The following PEX5 variants were observed in gnomAD, a reference collection of about 807,000 sequenced individuals.
The protein encoded by PEX5 is peroxisomal biogenesis factor 5, also known as PTS1 receptor.
A neutral mutation model predicts 82.9 loss-of-function variants in PEX5; 52 were observed. The observed-to-expected ratio is 0.63, with a 90% CI of 0.50 to 0.79. The LOEUF (loss-of-function observed/expected upper bound fraction) is 0.79. Ranked by LOEUF, PEX5 falls within the 30% of genes least tolerant of loss-of-function variation. PEX5 has a pLI of 0.00. For synonymous variants in PEX5, 300 were observed against 318.8 expected (o/e 0.94, Z 0.63); for missense variants, 719 against 815.2 (o/e 0.88, Z 1.44).
intron 12 of PEX5, 51 bp downstream of exon 12, chr12:7,208,131 A>AAAG: frequency 7.4e-7 from 1 of 1,356,540 alleles, no homozygotes; most frequent in Non-Finnish European, 1.1e-6. Flanking sequence ...TCTGCATATA[A>AAAG]CCTTTTGAAT....
chr12:7,210,326 C>A lies in PEX5; in HGVS notation c.*103C>A. ...CCTACCAAGGGGGCGGGCTGATGAC[C>A]ATAAGCGGTACGGCCTTTCAGGAGC... On this transcript the variant is annotated 3_prime_UTR_variant, in exon 16 of 16. Coordinates refer to ENST00000675855, the MANE Select transcript of PEX5 (RefSeq NM_001351132.2). 1 of 1,087,006 alleles carries A rather than the reference C, an allele frequency of 9.2e-7. No homozygotes were observed. The highest frequency in any genetic ancestry group is 1.4e-6 in the Non-Finnish European group (1 of 714,164). 67.3% of individuals were successfully genotyped at this position (1,087,006 alleles called of 1,614,324 possible).
Position 7,209,007 on chromosome 12 carries a change from C to T in PEX5, c.1397C>T (p.Ser466Phe), listed in dbSNP as rs760926568. The change falls in exon 14 of 16, where the codon TCC (serine) becomes TTC (phenylalanine). Residue 466 changes from serine (S) to phenylalanine (F), a missense_variant and splice_region_variant. Ser to Phe is a radical substitution (Grantham distance 155). Transcript: ENST00000675855. ...GTGTTTTTTTCCTTTTCATCCAGCTCCCTGTTTCTTGAAGTGAAAGAGCTC... is the reference window on the plus strand; with the variant it reads ...GTGTTTTTTTCCTTTTCATCCAGCTTCCTGTTTCTTGAAGTGAAAGAGCTC... Reference protein sequence around the residue: ...KRILGSLLSDSLFLEVKELFL... With the variant: ...KRILGSLLSDFLFLEVKELFL... The T allele has an allele frequency of 6.2e-7, 1 of 1,613,838 alleles. No homozygotes were observed. The highest frequency in any genetic ancestry group is 1.3e-5 in the African/African-American group (1 of 74,848).
At chr12:7,206,795 C>T (rs917356574) in intron 10 of PEX5, among the ~76,000 whole-genome samples, 1 of 152,130 alleles carries the variant, frequency 6.6e-6, no homozygotes, top group Non-Finnish European at 1.5e-5. Flanking sequence ...AGAAAGACCT[C>T]CACCTGTTGT....
intron 2 of PEX5, 156 bp downstream of exon 2, chr12:7,190,680 C>A: frequency 2.0e-6 from 3 of 1,464,916 alleles, no homozygotes; most frequent in African/African-American, 1.4e-5. Context: ...GTTTGCACAT[C>A]TTGGTATAAC....
chr12:7,210,355 C>CTTTCAGGCCTT lies in PEX5; in HGVS notation c.*133_*134insTTCAGGCCTTT, dbSNP rs1320713672. The CTTTCAGGCCTT allele has an allele frequency of 5.0e-6, 4 of 800,034 alleles. No homozygotes were observed. Among genetic ancestry groups the CTTTCAGGCCTT allele is most frequent in the Non-Finnish European group, 6.4e-6 (3 of 466,676 alleles). 49.6% of individuals were successfully genotyped at this position (800,034 alleles called of 1,614,324 possible). A position where few individuals can be genotyped will look rare whatever the true frequency, so the allele number is the denominator to read the frequency against. ...AGCGGTACGGCCTTTCAGGAGCTGC[C>CTTTCAGGCCTT]TCAACGTAGGGGTGGGTAGTCTGTG... is the stretch of plus-strand genomic sequence containing the variant. On this transcript the variant is annotated 3_prime_UTR_variant, in exon 16 of 16. Coordinates refer to ENST00000675855, the MANE Select transcript of PEX5 (RefSeq NM_001351132.2).
intron 6 of PEX5, among the ~76,000 whole-genome samples, chr12:7,199,473 T>C (rs1224931658): frequency 6.6e-6 from 1 of 150,814 alleles, no homozygotes; most frequent in Non-Finnish European, 1.5e-5. Context: ...TTAATCCATT[T>C]AACCCTGAGT....
In PEX5 at chr12:7,209,233, T is replaced by C. The variant is rs112650810; in HGVS notation, c.1560+63T>C. On this transcript the variant is annotated intron_variant, in intron 14 of 15. Coordinates refer to ENST00000675855, the MANE Select transcript of PEX5 (RefSeq NM_001351132.2). ...TGTACCTTATTGAAGAGCCATTTGT[T>C]GGGAAGCTGGGTTTGATGGTGCATG... The C allele has an allele frequency of 3.3e-3, 5,030 of 1,546,606 alleles. 145 individuals carry two copies. The African/African-American group carries it at 0.059, about 18-fold the overall frequency.
chr12:7,197,576 CTTA>C (rs1247298680), intron 5 of PEX5, among the ~76,000 whole-genome samples: 65 of 135,606 alleles, frequency 4.8e-4, no homozygotes, highest in African/African-American at 1.5e-3. Flanking sequence ...GTAGTAATTA[CTTA>C]TTATTTATAA....
chr12:7,189,783 G>T, intron 1 of PEX5, 33 bp downstream of exon 1: 1 of 153,740 alleles, frequency 6.5e-6, no homozygotes, highest in Non-Finnish European at 1.2e-5. Flanking sequence ...GCCCGGGGCC[G>T]CGTCCCTGGG....
In PEX5 at chr12:7,201,135, G is replaced by GCACACA. The variant is rs113517645; in HGVS notation, c.552-608_552-603dup. 5.5e-3 allele frequency among the ~76,000 whole-genome samples: 670 copies of GCACACA among 121,764 alleles called. 4 individuals are homozygous for GCACACA. The highest frequency in any genetic ancestry group is 0.043 in the South Asian group (162 of 3,758). 79.9% of individuals were successfully genotyped at this position (121,764 alleles called of 152,430 possible). ...ACCAAAAGCGCATGCATGTGTGCGTGCACACACACACACGCACACACATAT... is the reference window on the plus strand; with the variant it reads ...ACCAAAAGCGCATGCATGTGTGCGTGCACACACACACACACACACGCACACACATAT... On this transcript the variant is annotated intron_variant, in intron 6 of 15. Coordinates refer to ENST00000675855, the MANE Select transcript of PEX5 (RefSeq NM_001351132.2).
chr12:7,210,751 G>T lies in PEX5; in HGVS notation c.*528G>T. On this transcript the variant is annotated 3_prime_UTR_variant, in exon 16 of 16. Coordinates refer to ENST00000675855, the MANE Select transcript of PEX5 (RefSeq NM_001351132.2). ...GGCTGAGCAGAGCTGAGTTTTGGTA[G>T]GAGTGCTCATGGTTCTGTCATTCTT... The T allele has an allele frequency of 4.3e-6, 1 of 232,690 alleles. No homozygotes were observed. The highest frequency in any genetic ancestry group is 6.4e-5 in the South Asian group (1 of 15,640). 14.4% of individuals were successfully genotyped at this position (232,690 alleles called of 1,614,324 possible). A position where few individuals can be genotyped will look rare whatever the true frequency, so the allele number is the denominator to read the frequency against.
In PEX5 at chr12:7,197,206, CAT is replaced by C. The variant is rs1409411604; in HGVS notation, c.449-1799_449-1798del. On this transcript the variant is annotated intron_variant, in intron 5 of 15. Transcript: ENST00000675855. ...TCATATATAATGTAATTATATATGT[CAT>C]ATATAATGTAATTATATATGTCATA... Among the ~76,000 whole-genome samples, 3 of 94,590 alleles carry C rather than the reference CAT, an allele frequency of 3.2e-5. 1 individual carries two copies. Among genetic ancestry groups the C allele is most frequent in the African/African-American group, 1.2e-4 (3 of 24,328 alleles). The allele number at this position is 94,590 out of a possible 152,430, so 62.1% of individuals were successfully genotyped here.
intron 5 of PEX5, among the ~76,000 whole-genome samples, chr12:7,194,691 C>A (rs1941780122): frequency 6.6e-6 from 1 of 152,156 alleles, no homozygotes; most frequent in South Asian, 2.1e-4. Flanking sequence ...CTTCAGGGTT[C>A]TTAAATTTAG....
chr12:7,202,104 T>G, intron 7 of PEX5, 137 bp from the exon 8 acceptor site: 3 of 1,362,302 alleles, frequency 2.2e-6, no homozygotes, highest in South Asian at 1.2e-5. Context: ...TCTACCTCTT[T>G]TAGGGTCTTT....
chr12:7,197,884 C>T (rs1565690919), intron 5 of PEX5, among the ~76,000 whole-genome samples: 2 of 152,298 alleles, frequency 1.3e-5, no homozygotes, highest in South Asian at 2.1e-4. Context: ...CCCTTGGGAA[C>T]TGTCCTTGTC....
At chr12:7,196,222 TC>T in intron 5 of PEX5, among the ~76,000 whole-genome samples, 2 of 40,364 alleles carry the variant, frequency 5.0e-5, no homozygotes, top group Non-Finnish European at 1.5e-4. Flanking sequence ...ATTATATATG[TC>T]ATATATAATT....
rs763309168 is a variant in PEX5 at position 7,199,067 on chromosome 12, GAGA to G, written c.508_510del (p.Lys170del). On this transcript the variant is annotated inframe_deletion, in exon 6 of 16. Coordinates refer to ENST00000675855, the MANE Select transcript of PEX5 (RefSeq NM_001351132.2). ...TGAGGAATATTTGGAGCAATCAGAG[GAGA>G]AGCTGTGGCTGGGAGAACCTGAGGG... 8.7e-6 allele frequency: 14 copies of G among 1,610,474 alleles called. No individual in the cohort carries two copies. Among genetic ancestry groups the G allele is most frequent in the Non-Finnish European group, 1.2e-5 (14 of 1,178,186 alleles).
At chr12:7,214,680 AC>A (rs1945726444), downstream of PEX5, among the ~76,000 whole-genome samples, 1 of 151,322 alleles carries the variant, frequency 6.6e-6, no homozygotes, top group Admixed American at 6.6e-5. Context: ...ACTAACCTGC[AC>A]ATTGTGCACA....
Position 7,202,237 on chromosome 12 carries a change from C to T in PEX5, c.643-4C>T, listed in dbSNP as rs755257871. 1.2e-6 allele frequency: 2 copies of T among 1,614,008 alleles called. No homozygotes were observed. The highest frequency in any genetic ancestry group is 1.7e-6 in the Non-Finnish European group (2 of 1,180,012). On this transcript the variant is annotated splice_polypyrimidine_tract_variant and splice_region_variant and intron_variant, in intron 7 of 15. Coordinates refer to ENST00000675855, the MANE Select transcript of PEX5 (RefSeq NM_001351132.2). ...AGTGGCCTGTGTGTGTCTCTGTGCCCCAGTTCCTGAAATTCGTGCGGCAGA... is the reference window on the plus strand; with the variant it reads ...AGTGGCCTGTGTGTGTCTCTGTGCCTCAGTTCCTGAAATTCGTGCGGCAGA...
Sources: gnomAD v4.1 joint callset for allele counts (sites outside exome capture counted in the v4.1 genomes callset) on GRCh38, gnomAD v4.1.1 for gene constraint, MANE v1.5 for transcripts, NCBI Gene and HGNC (gene_info 2026-07-23, HGNC 2026-07-21) for gene names.